The following BRCC3 variants were observed in gnomAD, a reference collection of about 807,000 sequenced individuals.
BRCC3 encodes lys-63-specific deubiquitinase BRCC36.
A neutral mutation model predicts 28.0 loss-of-function variants in BRCC3; 15 were observed. That is an observed-to-expected ratio of 0.54 (90% confidence interval 0.36 to 0.82). BRCC3 has a LOEUF of 0.82. Among genes scored for constraint, BRCC3 ranks in the 40% least tolerant of loss-of-function variants. The probability of loss-of-function intolerance (pLI) is 0.01; values close to 1 mark genes in which losing one functional copy is unlikely to be tolerated. For synonymous variants in BRCC3, 66 were observed against 80.3 expected, an observed-to-expected ratio of 0.82 and a Z score of 0.95; for missense variants, 109 against 225.9, an observed-to-expected ratio of 0.48 and a Z score of 3.32.
At chrX:155,105,425 G>C (rs1336800284) in intron 7 of BRCC3, among the ~76,000 whole-genome samples, 2 of 111,730 alleles carry the variant, frequency 1.8e-5, no homozygotes, top group Admixed American at 9.4e-5. Context: ...GGAGGTTGCA[G>C]TGAGCCGAGA....
At chrX:155,092,927 CTTAA>C (rs1557295835) in intron 7 of BRCC3, among the ~76,000 whole-genome samples, 1 of 110,741 alleles carries the variant, frequency 9.0e-6, no homozygotes, top group Non-Finnish European at 1.9e-5. Context: ...TGTTTTTATT[CTTAA>C]TTAATAACCT....
intron 7 of BRCC3, among the ~76,000 whole-genome samples, chrX:155,110,346 T>C (rs781847789): frequency 1.3e-4 from 15 of 111,448 alleles, no homozygotes; most frequent in Non-Finnish European, 2.5e-4. Context: ...GTTTTCTTTG[T>C]GTAAAGTTTT....
intron 5 of BRCC3, among the ~76,000 whole-genome samples, chrX:155,087,287 G>A (rs922704775): frequency 1.1e-4 from 12 of 111,985 alleles, no homozygotes; most frequent in Non-Finnish European, 2.1e-4. Context: ...AGGGGAAGAT[G>A]GGGGTACGAG....
At chrX:155,097,911 G>C (rs1473092683) in intron 7 of BRCC3, among the ~76,000 whole-genome samples, 1 of 111,574 alleles carries the variant, frequency 9.0e-6, no homozygotes, top group African/African-American at 3.3e-5. Context: ...CAGGAGAAAG[G>C]CGTGAACCCG....
At position 155,071,665 on chromosome X, in the gene BRCC3, T is replaced by G. The variant is rs782186326; in HGVS notation, c.123+15T>G. 2 of 1,201,391 alleles carry G rather than the reference T, an allele frequency of 1.7e-6. No individual in the cohort carries two copies. The highest frequency in any genetic ancestry group is 1.1e-6 in the Non-Finnish European group (1 of 889,923). On this transcript the variant is annotated intron_variant, in intron 1 of 10. Transcript: ENST00000330045. Reference sequence around the variant, plus strand: ...GCATAGGGGAGGTGAGTAGGTCTGTTAGCCTGGATGGAACCCTGCTGAGCA... The same window carrying G: ...GCATAGGGGAGGTGAGTAGGTCTGTGAGCCTGGATGGAACCCTGCTGAGCA...
intron 2 of BRCC3, 106 bp from the exon 3 acceptor site, chrX:155,073,271 T>A (rs2074002445): frequency 2.2e-6 from 2 of 927,040 alleles, no homozygotes; most frequent in Middle Eastern, 2.8e-4. Flanking sequence ...CTTTGGTCTC[T>A]GCTAAGATTT....
chrX:155,071,789 T>G, intron 1 of BRCC3, 139 bp downstream of exon 1: 1 of 725,190 alleles, frequency 1.4e-6, no homozygotes, highest in African/African-American at 2.2e-5. Flanking sequence ...TACATAGCTC[T>G]GTCGCGGGGA....
At chrX:155,072,220 C>A in intron 1 of BRCC3, 107 bp from the exon 2 acceptor site, 1 of 636,053 alleles carries the variant, frequency 1.6e-6, no homozygotes, top group Non-Finnish European at 2.5e-6. Context: ...TCCAGTCTTT[C>A]ATACCATGTG....
chrX:155,092,189 A>C (rs1557295752), intron 7 of BRCC3, among the ~76,000 whole-genome samples: 1 of 111,960 alleles, frequency 8.9e-6, no homozygotes, highest in African/African-American at 3.2e-5. Flanking sequence ...CTCACAAATG[A>C]GGATTTAGCT....
At chrX:155,120,800 G>T (rs1042621661) in intron 10 of BRCC3, among the ~76,000 whole-genome samples, 1 of 111,794 alleles carries the variant, frequency 8.9e-6, no homozygotes, top group Non-Finnish European at 1.9e-5. Flanking sequence ...ATAGTAAAAT[G>T]TGTTTCTCCA....
intron 7 of BRCC3, among the ~76,000 whole-genome samples, chrX:155,105,603 C>T (rs1557297429): frequency 8.9e-6 from 1 of 112,799 alleles, no homozygotes; most frequent in Non-Finnish European, 1.9e-5. Context: ...TAGTTACCAT[C>T]ACATAAATTA....
intron 9 of BRCC3, among the ~76,000 whole-genome samples, chrX:155,117,785 T>C (rs1393982795): frequency 2.7e-5 from 3 of 111,913 alleles, no homozygotes; most frequent in Non-Finnish European, 5.6e-5. Flanking sequence ...GCATGAATTA[T>C]TTACTAAATA....
At chrX:155,083,542 C>T (rs782596132) in intron 5 of BRCC3, among the ~76,000 whole-genome samples, 7 of 112,150 alleles carry the variant, frequency 6.2e-5, no homozygotes, top group Non-Finnish European at 1.1e-4. Context: ...TACACATCTA[C>T]ATACTTTGCC....
chrX:155,099,988 T>C (rs1380886116), intron 7 of BRCC3, among the ~76,000 whole-genome samples: 1 of 112,045 alleles, frequency 8.9e-6, no homozygotes, highest in African/African-American at 3.2e-5. Context: ...TTGTCCTTAC[T>C]AAATCAATTT....
chrX:155,072,354 A>G lies in BRCC3; in HGVS notation c.140+11A>G. The G allele has an allele frequency of 1.7e-6, 2 of 1,179,076 alleles. No individual in the cohort carries two copies. The highest frequency in any genetic ancestry group is 2.3e-6 in the Non-Finnish European group (2 of 867,739). On this transcript the variant is annotated intron_variant, in intron 2 of 10. Coordinates refer to ENST00000330045, the MANE Select transcript of BRCC3 (RefSeq NM_001018055.3). Reference sequence around the variant, plus strand: ...GAACGATGATACAAGGTAAGACTGTATTTGTTTACTCATATCTTATAATCT... The same window carrying G: ...GAACGATGATACAAGGTAAGACTGTGTTTGTTTACTCATATCTTATAATCT...
chrX:155,092,143 A>G (rs782332399), intron 7 of BRCC3, among the ~76,000 whole-genome samples: 1 of 111,433 alleles, frequency 9.0e-6, no homozygotes, highest in East Asian at 2.8e-4. Context: ...AGTTTTGGAT[A>G]TTTTCTATTC....
intron 7 of BRCC3, among the ~76,000 whole-genome samples, chrX:155,107,434 A>G (rs2074292131): frequency 9.1e-6 from 1 of 110,421 alleles, no homozygotes; most frequent in Non-Finnish European, 1.9e-5. Flanking sequence ...CCCTCAGAAT[A>G]AAGCCCCAAA....
intron 7 of BRCC3, among the ~76,000 whole-genome samples, chrX:155,109,518 A>C (rs916748957): frequency 9.0e-6 from 1 of 111,682 alleles, no homozygotes; most frequent in Admixed American, 9.5e-5. Context: ...ATTCTTGGGA[A>C]TTTGGTGTTT....
At chrX:155,103,472 C>A (rs1254372039) in intron 7 of BRCC3, among the ~76,000 whole-genome samples, 3 of 112,143 alleles carry the variant, frequency 2.7e-5, no homozygotes, top group South Asian at 3.7e-4. Flanking sequence ...TTTTTACATT[C>A]AGAACTATAA....
Sources: gnomAD v4.1 joint callset for allele counts (sites outside exome capture counted in the v4.1 genomes callset) on GRCh38, gnomAD v4.1.1 for gene constraint, MANE v1.5 for transcripts, NCBI Gene and HGNC (gene_info 2026-07-23, HGNC 2026-07-21) for gene names.